MAN1A1: variants seen among roughly 807,000 people sequenced by gnomAD.
MAN1A1 encodes mannosyl-oligosaccharide 1,2-alpha-mannosidase IA.
MAN1A1 carries 29 observed loss-of-function variants against 70.8 expected under a neutral mutation model. That is an observed-to-expected ratio of 0.41 (90% CI 0.31 to 0.56). The LOEUF is 0.56. Ranked by LOEUF, MAN1A1 falls within the 20% of genes least tolerant of loss-of-function variation. The pLI, the probability that MAN1A1 is intolerant of heterozygous loss-of-function variation, is 0.29. For missense variants in MAN1A1, 747 were observed against 841.3 expected (o/e 0.89, Z 1.39); for synonymous variants, 349 against 330.1 (o/e 1.06, Z -0.62).
In MAN1A1 at chr6:119,302,539, G is replaced by A. The variant is rs576394143; in HGVS notation, c.701-436C>T. 2.1e-4 allele frequency among the ~76,000 whole-genome samples: 32 copies of A among 152,028 alleles called. No homozygotes were observed. The South Asian group carries it at 5.2e-3, about 25-fold the overall frequency. ...TGGGACTATAGGCGCATGCCACCAC[G>A]CCTGGCTAATTTTTGTGTTTTTAGT... On this transcript the variant is annotated intron_variant, in intron 3 of 12. Transcript: ENST00000368468.
chr6:119,348,568 CG>C lies in MAN1A1; in HGVS notation c.497del (p.Ala166GlyfsTer37). The C allele has an allele frequency of 6.2e-7, 1 of 1,613,780 alleles. No homozygotes were observed. The highest frequency in any genetic ancestry group is 2.2e-5 in the East Asian group (1 of 44,818). ...KVAQDQLRDK[A>X]PFRGLPPVDF... is the part of the protein sequence containing the mutation. The stretch of plus-strand genomic sequence containing the variant: ...CCACCGGGGGCAGGCCTCTGAACGG[CG>C]CCTTGTCACGCAGCTGGTCCTGGGC... On this transcript the variant is annotated frameshift_variant, in exon 2 of 13. Coordinates refer to ENST00000368468, the MANE Select transcript of MAN1A1 (RefSeq NM_005907.4). LOFTEE classifies it high-confidence loss of function.
chr6:119,341,136 G>A (rs1220927191), intron 2 of MAN1A1, among the ~76,000 whole-genome samples: 1 of 152,152 alleles, frequency 6.6e-6, no homozygotes, highest in Non-Finnish European at 1.5e-5. Flanking sequence ...ATGCTCTTAA[G>A]CCTTAATCTC....
intron 2 of MAN1A1, among the ~76,000 whole-genome samples, chr6:119,310,528 C>T (rs1772673256): frequency 6.6e-6 from 1 of 152,166 alleles, no homozygotes; most frequent in African/African-American, 2.4e-5. Context: ...TGAGAGCTAG[C>T]CATGAGCCTC....
chr6:119,205,225 C>G (rs1302658172), intron 6 of MAN1A1, among the ~76,000 whole-genome samples: 1 of 152,136 alleles, frequency 6.6e-6, no homozygotes, highest in Non-Finnish European at 1.5e-5. Flanking sequence ...CCCACCATGC[C>G]CAAATGCCAC....
chr6:119,203,505 T>C (rs1272282746), intron 7 of MAN1A1, among the ~76,000 whole-genome samples: 1 of 151,768 alleles, frequency 6.6e-6, no homozygotes, highest in Non-Finnish European at 1.5e-5. Context: ...TAAGGGCATA[T>C]TTTACTCTGA....
At chr6:119,308,637 A>G (rs1226919022) in intron 2 of MAN1A1, among the ~76,000 whole-genome samples, 1 of 152,182 alleles carries the variant, frequency 6.6e-6, no homozygotes, top group Non-Finnish European at 1.5e-5. Context: ...TTTTAAATCT[A>G]TATTAAAACT....
chr6:119,218,772 C>T lies in MAN1A1; in HGVS notation c.993-13890G>A, dbSNP rs570988695. Among the ~76,000 whole-genome samples the T allele has an allele frequency of 5.3e-5, 8 of 152,270 alleles. No homozygotes were observed. In the East Asian group the frequency reaches 1.3e-3, roughly 26 times the overall value. On this transcript the variant is annotated intron_variant, in intron 6 of 12. Transcript: ENST00000368468. ...ATGAATGCACCCCGCGCTGGGATGG[C>T]GTACTGGCCAGAGCTGGTTCACACC... is the stretch of plus-strand genomic sequence containing the variant.
Position 119,317,956 on chromosome 6 carries a change from G to A in MAN1A1, c.604-10964C>T, listed in dbSNP as rs141454048. ...TCCATTATTAATAAGTGGAATATCCGTTGTCATCTAGAATCCATGATCTTG... is the reference window on the plus strand; with the variant it reads ...TCCATTATTAATAAGTGGAATATCCATTGTCATCTAGAATCCATGATCTTG... On this transcript the variant is annotated intron_variant, in intron 2 of 12. Transcript: ENST00000368468. 6.5e-3 allele frequency among the ~76,000 whole-genome samples: 984 copies of A among 151,728 alleles called. 6 individuals carry two copies. Among genetic ancestry groups the A allele is most frequent in the African/African-American group, 0.022 (906 of 41,382 alleles).
chr6:119,261,226 G>A (rs1178110451), intron 5 of MAN1A1, among the ~76,000 whole-genome samples: 2 of 151,902 alleles, frequency 1.3e-5, no homozygotes, highest in East Asian at 1.9e-4. Flanking sequence ...TGATCCACCC[G>A]CCTCCACCTC....
intron 5 of MAN1A1, among the ~76,000 whole-genome samples, chr6:119,263,501 G>C (rs1489732866): frequency 1.3e-5 from 2 of 152,136 alleles, no homozygotes; most frequent in Non-Finnish European, 2.9e-5. Flanking sequence ...GGGCCTTCTT[G>C]AGAGTGGTGG....
At chr6:119,226,508 A>T (rs1774518245) in intron 6 of MAN1A1, among the ~76,000 whole-genome samples, 1 of 152,178 alleles carries the variant, frequency 6.6e-6, no homozygotes, top group African/African-American at 2.4e-5. Context: ...AAAACTGCCC[A>T]TTGTCCTAAA....
At chr6:119,260,529 A>G (rs575616749) in intron 5 of MAN1A1, among the ~76,000 whole-genome samples, 20 of 152,268 alleles carry the variant, frequency 1.3e-4, no homozygotes, top group African/African-American at 4.6e-4. Flanking sequence ...TCATTCACTC[A>G]CTCACTAACT....
At chr6:119,181,260 T>A (rs1773147499) in intron 11 of MAN1A1, among the ~76,000 whole-genome samples, 1 of 152,182 alleles carries the variant, frequency 6.6e-6, no homozygotes, top group Non-Finnish European at 1.5e-5. Flanking sequence ...AGACTGCTAA[T>A]GTCAACTGGG....
intron 3 of MAN1A1, among the ~76,000 whole-genome samples, chr6:119,302,739 TTA>T (rs1772426335): frequency 6.6e-6 from 1 of 152,168 alleles, no homozygotes; most frequent in African/African-American, 2.4e-5. Flanking sequence ...AACAGACTTT[TTA>T]AGACTGATGT....
At chr6:119,343,128 C>T (rs554741602) in intron 2 of MAN1A1, among the ~76,000 whole-genome samples, 2 of 150,130 alleles carry the variant, frequency 1.3e-5, no homozygotes, top group South Asian at 2.1e-4. Context: ...TTTGATCCAT[C>T]GTTGGCTGAA....
rs779674922 is a variant in MAN1A1 at position 119,348,569 on chromosome 6, G to A, written c.497C>T (p.Ala166Val). The change falls in exon 2 of 13, where the codon GCG (alanine) becomes GTG (valine). Residue 166 changes from alanine (A) to valine (V), a missense_variant. Around this residue, in one of 2 missense-constraint regions of MAN1A1, gnomAD observed 328 missense variants for 293.1 expected, o/e 1.12. Transcript: ENST00000368468. The part of the protein sequence containing the change: ...KVAQDQLRDK[A>V]PFRGLPPVDF... Reference sequence around the variant, plus strand: ...CACCGGGGGCAGGCCTCTGAACGGCGCCTTGTCACGCAGCTGGTCCTGGGC... The same window carrying A: ...CACCGGGGGCAGGCCTCTGAACGGCACCTTGTCACGCAGCTGGTCCTGGGC... 2 of 1,613,782 alleles carry A rather than the reference G, an allele frequency of 1.2e-6. No individual in the cohort carries two copies. The highest frequency in any genetic ancestry group is 4.5e-5 in the East Asian group (2 of 44,818).
chr6:119,190,536 G>A (rs1773415654), intron 9 of MAN1A1, among the ~76,000 whole-genome samples: 1 of 152,292 alleles, frequency 6.6e-6, no homozygotes, highest in East Asian at 1.9e-4. Context: ...TGTTTATAAA[G>A]CAGTCACTAA....
At chr6:119,308,891 T>C (rs1247796063) in intron 2 of MAN1A1, among the ~76,000 whole-genome samples, 1 of 152,200 alleles carries the variant, frequency 6.6e-6, no homozygotes, top group Non-Finnish European at 1.5e-5. Flanking sequence ...TTCAGCTTTG[T>C]CAAAAATGAT....
chr6:119,254,884 T>C (rs1338970750), intron 5 of MAN1A1, among the ~76,000 whole-genome samples: 1 of 152,222 alleles, frequency 6.6e-6, no homozygotes, highest in Non-Finnish European at 1.5e-5. Flanking sequence ...AAAACTTTTA[T>C]AGCCTAAAGT....
Sources: gnomAD v4.1 joint callset for allele counts (sites outside exome capture counted in the v4.1 genomes callset) on GRCh38, gnomAD v4.1.1 for gene constraint, gnomAD v4.1.1 regional missense constraint, MANE v1.5 for transcripts, NCBI Gene and HGNC (gene_info 2026-07-23, HGNC 2026-07-21) for gene names.